EYS: variants seen among roughly 807,000 people sequenced by gnomAD.
EYS encodes EGF-like photoreceptor maintenance factor, also known as protein eyes shut homolog.
In EYS, 250 loss-of-function variants were observed where a neutral mutation model predicts 282.1. The observed-to-expected ratio is 0.89, with a 90% CI of 0.80 to 0.98. The LOEUF (loss-of-function observed/expected upper bound fraction) is 0.98, where lower values mean the gene tolerates loss of function less well. Among genes scored for constraint, EYS ranks in the 50% least tolerant of loss-of-function variants. The probability of loss-of-function intolerance (pLI) is 0.00; values close to 1 mark genes in which losing one functional copy is unlikely to be tolerated. For missense variants in EYS, 4,016 were observed against 3,709.0 expected (o/e 1.08, Z -2.15); for synonymous variants, 1,355 against 1,282.9 (o/e 1.06, Z -1.20).
Position 64,704,644 on chromosome 6 carries a change from T to C in EYS, c.3444-78399A>G, listed in dbSNP as rs987222114. 2.6e-5 allele frequency among the ~76,000 whole-genome samples: 4 copies of C among 151,562 alleles called. No individual in the cohort carries two copies. In the South Asian group the frequency reaches 8.3e-4, roughly 32 times the overall value. On this transcript the variant is annotated intron_variant, in intron 22 of 42. Transcript: ENST00000503581. ...ACATCTGAGGCTAGCAAGTGAAATA[T>C]CGGTTATGACTCACCTGCAATTTCC...
chr6:64,751,703 G>A (rs929898084), intron 22 of EYS, among the ~76,000 whole-genome samples: 1 of 152,194 alleles, frequency 6.6e-6, no homozygotes, highest in Admixed American at 6.5e-5. Context: ...GTCTGGAGGT[G>A]GAACTGCACA....
chr6:64,406,930 C>G (rs776573743), intron 28 of EYS, among the ~76,000 whole-genome samples: 3 of 152,006 alleles, frequency 2.0e-5, no homozygotes, highest in Non-Finnish European at 2.9e-5. Flanking sequence ...GAAAATTGAC[C>G]CAGCAGTCCC....
At chr6:64,023,115 C>T (rs936360086) in intron 33 of EYS, among the ~76,000 whole-genome samples, 2 of 152,176 alleles carry the variant, frequency 1.3e-5, no homozygotes, top group African/African-American at 4.8e-5. Flanking sequence ...TAATACTTGT[C>T]TTTTTGTGTC....
At chr6:65,637,150 T>A (rs1253292591) in intron 2 of EYS, among the ~76,000 whole-genome samples, 3 of 152,224 alleles carry the variant, frequency 2.0e-5, no homozygotes, top group African/African-American at 7.2e-5. Context: ...CTATATGTCT[T>A]CCTGAATTTA....
intron 12 of EYS, among the ~76,000 whole-genome samples, chr6:65,216,388 A>G (rs2150255769): frequency 6.6e-6 from 1 of 152,176 alleles, no homozygotes; most frequent in Non-Finnish European, 1.5e-5. Context: ...GTATCATGAA[A>G]TATGAATAAG....
At chr6:64,935,603 C>T (rs1053146263) in intron 15 of EYS, among the ~76,000 whole-genome samples, 1 of 151,370 alleles carries the variant, frequency 6.6e-6, no homozygotes, top group African/African-American at 2.4e-5. Flanking sequence ...ACCCAGATTA[C>T]AAGAATCAGA....
chr6:64,804,471 G>A (rs1764362377), intron 22 of EYS, among the ~76,000 whole-genome samples: 5 of 152,150 alleles, frequency 3.3e-5, no homozygotes, highest in South Asian at 2.1e-4. Flanking sequence ...TAACCATCTG[G>A]TAATTATGCC....
At chr6:64,278,453 C>G (rs1176042566) in intron 30 of EYS, among the ~76,000 whole-genome samples, 8 of 151,912 alleles carry the variant, frequency 5.3e-5, no homozygotes, top group Admixed American at 4.6e-4. Context: ...TTTCATGTAA[C>G]AGAATTTTGG....
chr6:64,013,504 G>C (rs1167457002), intron 33 of EYS, among the ~76,000 whole-genome samples: 2 of 152,144 alleles, frequency 1.3e-5, no homozygotes, highest in Non-Finnish European at 2.9e-5. Context: ...AGTGTCAATG[G>C]GATGCTGGAG....
intron 18 of EYS, among the ~76,000 whole-genome samples, chr6:64,888,832 G>C (rs1036654125): frequency 1.3e-5 from 2 of 151,994 alleles, no homozygotes; most frequent in East Asian, 3.9e-4. Flanking sequence ...AATTAATGAT[G>C]ATCCCAAGGA....
chr6:64,882,924 A>C (rs1314481068), intron 19 of EYS, among the ~76,000 whole-genome samples: 2 of 151,548 alleles, frequency 1.3e-5, no homozygotes, highest in African/African-American at 4.8e-5. Flanking sequence ...TCAGTGGATA[A>C]AATGGGTGAT....
intron 38 of EYS, 44 bp downstream of exon 38, chr6:63,789,013 CT>C (rs1770439719): frequency 6.5e-7 from 1 of 1,533,406 alleles, no homozygotes; most frequent in Admixed American, 2.0e-5. Context: ...TGACAATATA[CT>C]AGTGCTCTCA....
chr6:63,832,467 A>C (rs1771670596), intron 36 of EYS, among the ~76,000 whole-genome samples: 1 of 152,254 alleles, frequency 6.6e-6, no homozygotes, highest in Non-Finnish European at 1.5e-5. Flanking sequence ...AAAATCTAGA[A>C]GAAATGGATA....
intron 31 of EYS, among the ~76,000 whole-genome samples, chr6:64,185,601 T>C (rs919175396): frequency 3.3e-5 from 5 of 152,172 alleles, no homozygotes; most frequent in Non-Finnish European, 5.9e-5. Flanking sequence ...ACTTGGAAGT[T>C]TATAGAAATC....
At chr6:65,266,311 A>G (rs987136509) in intron 12 of EYS, among the ~76,000 whole-genome samples, 2 of 151,928 alleles carry the variant, frequency 1.3e-5, no homozygotes, top group Non-Finnish European at 2.9e-5. Flanking sequence ...GAATGATAAT[A>G]TTGATAGAAT....
intron 31 of EYS, among the ~76,000 whole-genome samples, chr6:64,112,904 A>G (rs1471437182): frequency 6.6e-6 from 1 of 151,774 alleles, no homozygotes; most frequent in African/African-American, 2.4e-5. Flanking sequence ...AGTTGCATTA[A>G]TATCATCTAT....
intron 15 of EYS, among the ~76,000 whole-genome samples, chr6:64,938,675 G>T (rs1352807580): frequency 1.3e-5 from 2 of 151,574 alleles, no homozygotes; most frequent in South Asian, 2.1e-4. Flanking sequence ...AATAGGAATT[G>T]TGTTTTTCTC....
Position 65,393,186 on chromosome 6 carries a change from G to A in EYS, c.1185-8686C>T, listed in dbSNP as rs574161978. On this transcript the variant is annotated intron_variant, in intron 7 of 42. Coordinates refer to ENST00000503581, the MANE Select transcript of EYS (RefSeq NM_001142800.2). ...GGGGACTGTTGTGGGGTGGGGGGAC[G>A]GGGGAGGGATAGCATTGGGAGATAT... Among the ~76,000 whole-genome samples, 311 of 151,842 alleles carry A rather than the reference G, an allele frequency of 2.0e-3. 2 individuals are homozygous for A. Among genetic ancestry groups the A allele is most frequent in the African/African-American group, 7.0e-3 (288 of 41,364 alleles).
chr6:64,392,547 A>T (rs1773192971), intron 28 of EYS, among the ~76,000 whole-genome samples: 1 of 151,926 alleles, frequency 6.6e-6, no homozygotes, highest in South Asian at 2.1e-4. Flanking sequence ...TAAAGAAATG[A>T]AGGCAGAAAT....
Sources: allele counts gnomAD v4.1 joint callset (sites outside exome capture counted in the v4.1 genomes callset), GRCh38; gene constraint gnomAD v4.1.1; transcripts MANE v1.5; gene names NCBI Gene and HGNC (gene_info 2026-07-23, HGNC 2026-07-21).